KCNIP4: variants seen among roughly 807,000 people sequenced by gnomAD.
KCNIP4 encodes potassium voltage-gated channel interacting protein 4.
Under a neutral mutation model 34.0 loss-of-function variants are expected in KCNIP4, and 12 were observed. That is an observed-to-expected ratio of 0.35 (90% CI 0.23 to 0.57). The LOEUF is 0.57. KCNIP4 is among the 20% of genes least tolerant of loss of function. The pLI is 0.83. For missense variants in KCNIP4, 238 were observed against 311.7 expected (o/e 0.76, Z 1.78); for synonymous variants, 124 against 102.2 (o/e 1.21, Z -1.29).
intron 1 of KCNIP4, among the ~76,000 whole-genome samples, chr4:21,586,650 G>T (rs927543312): frequency 6.6e-6 from 1 of 152,058 alleles, no homozygotes; most frequent in African/African-American, 2.4e-5. Context: ...AAGAACAAGA[G>T]AAAGAGCAAA....
At chr4:21,127,432 AT>A (rs1288594587) in intron 1 of KCNIP4, among the ~76,000 whole-genome samples, 3 of 152,106 alleles carry the variant, frequency 2.0e-5, no homozygotes, top group African/African-American at 7.2e-5. Flanking sequence ...GACTCTGATT[AT>A]TTTTTATAGC....
intron 1 of KCNIP4, among the ~76,000 whole-genome samples, chr4:21,311,154 G>C (rs925376020): frequency 6.6e-6 from 1 of 152,072 alleles, no homozygotes; most frequent in South Asian, 2.1e-4. Flanking sequence ...GTTATTTATT[G>C]AGCTCTTGCT....
chr4:21,791,097 C>T (rs990363307), intron 1 of KCNIP4, among the ~76,000 whole-genome samples: 1 of 150,804 alleles, frequency 6.6e-6, no homozygotes, highest in African/African-American at 2.4e-5. Flanking sequence ...AGTTTATTAT[C>T]AACAGAAATG....
intron 1 of KCNIP4, among the ~76,000 whole-genome samples, chr4:20,916,984 T>C (rs13136274): frequency 0.058 from 601 of 10,298 alleles, 150 homozygotes; most frequent in East Asian, 0.21. Context: ...CCATCTTATG[T>C]TTATATATAT....
chr4:20,842,081 T>C (rs1719795112), intron 3 of KCNIP4, among the ~76,000 whole-genome samples: 1 of 152,158 alleles, frequency 6.6e-6, no homozygotes, highest in South Asian at 2.1e-4. Context: ...TGTGTTTGCT[T>C]TTTGCCCCTC....
intron 1 of KCNIP4, among the ~76,000 whole-genome samples, chr4:20,891,811 T>C (rs1313018995): frequency 6.6e-6 from 1 of 152,078 alleles, no homozygotes; most frequent in East Asian, 1.9e-4. Context: ...TTGAAAGTAA[T>C]GGCAAAAACT....
intron 1 of KCNIP4, among the ~76,000 whole-genome samples, chr4:21,505,043 T>C (rs1438214073): frequency 6.6e-6 from 1 of 152,200 alleles, no homozygotes; most frequent in South Asian, 2.1e-4. Context: ...TTAAGTAATC[T>C]GATTGATTTA....
intron 1 of KCNIP4, among the ~76,000 whole-genome samples, chr4:21,556,027 T>C (rs1265258228): frequency 6.6e-6 from 1 of 152,146 alleles, no homozygotes; most frequent in Non-Finnish European, 1.5e-5. Flanking sequence ...TATCTTTTGG[T>C]TTTTTGTGCC....
intron 1 of KCNIP4, among the ~76,000 whole-genome samples, chr4:21,807,766 A>G (rs1721391632): frequency 6.6e-6 from 1 of 152,202 alleles, no homozygotes; most frequent in South Asian, 2.1e-4. Context: ...AATCCTCATT[A>G]CACATAAAAC....
rs150445468 is a variant in KCNIP4 at position 21,758,576 on chromosome 4, G to T, written c.61+189995C>A. On this transcript the variant is annotated intron_variant, in intron 1 of 8. Transcript: ENST00000382152. Reference sequence around the variant, plus strand: ...TTTTAATAGGCATACTTTGTTCTTTGTAACAAAAGGGACATCCACAGTTGC... The same window carrying T: ...TTTTAATAGGCATACTTTGTTCTTTTTAACAAAAGGGACATCCACAGTTGC... Among the ~76,000 whole-genome samples, 1,337 of 152,252 alleles carry T rather than the reference G, an allele frequency of 8.8e-3. 19 individuals are homozygous for T. The highest frequency in any genetic ancestry group is 0.039 in the South Asian group (188 of 4,824).
chr4:21,891,386 AG>A (rs1323766944), intron 1 of KCNIP4, among the ~76,000 whole-genome samples: 1 of 152,148 alleles, frequency 6.6e-6, no homozygotes, highest in Non-Finnish European at 1.5e-5. Flanking sequence ...CTAAGGATCC[AG>A]GGTCTATGGG....
intron 1 of KCNIP4, among the ~76,000 whole-genome samples, chr4:21,101,962 G>T (rs1012895213): frequency 1.3e-5 from 2 of 152,094 alleles, no homozygotes; most frequent in Admixed American, 1.3e-4. Flanking sequence ...AAGAGAGGTG[G>T]AAAGATGGAG....
Position 20,799,197 on chromosome 4 carries a change from G to A in KCNIP4, c.289-40307C>T, listed in dbSNP as rs555375826. Among the ~76,000 whole-genome samples the A allele has an allele frequency of 6.6e-5, 10 of 152,220 alleles. No homozygotes were observed. In the East Asian group the frequency reaches 1.5e-3, roughly 24 times the overall value. On this transcript the variant is annotated intron_variant, in intron 3 of 8. Coordinates refer to ENST00000382152, the MANE Select transcript of KCNIP4 (RefSeq NM_025221.6). The stretch of plus-strand genomic sequence containing the variant: ...TAGTTGCTGGGGCACCTCCACTTAA[G>A]GCCAACATCCAGTGATGGTCTGCCA...
chr4:21,125,128 G>C (rs754196980), intron 1 of KCNIP4, among the ~76,000 whole-genome samples: 8 of 147,732 alleles, frequency 5.4e-5, no homozygotes, highest in Admixed American at 1.4e-4. Flanking sequence ...AATAAGCAGT[G>C]GTTCTCGGAC....
At chr4:21,920,234 G>A (rs894886345) in intron 1 of KCNIP4, among the ~76,000 whole-genome samples, 1 of 152,158 alleles carries the variant, frequency 6.6e-6, no homozygotes, top group Non-Finnish European at 1.5e-5. Context: ...ACTGAGTACA[G>A]TTGACTTTTT....
At chr4:21,405,860 A>T (rs2109569720) in intron 1 of KCNIP4, among the ~76,000 whole-genome samples, 1 of 152,278 alleles carries the variant, frequency 6.6e-6, no homozygotes, top group South Asian at 2.1e-4. Context: ...TTTGAGACAG[A>T]GTTTTGCTCT....
At chr4:21,720,772 GT>G (rs1283163027) in intron 1 of KCNIP4, among the ~76,000 whole-genome samples, 6 of 146,810 alleles carry the variant, frequency 4.1e-5, no homozygotes, top group East Asian at 2.0e-4. Context: ...TGCGGTGTTT[GT>G]TTTTTTGTCC....
intron 1 of KCNIP4, among the ~76,000 whole-genome samples, chr4:21,626,320 C>T (rs1049995803): frequency 4.0e-5 from 6 of 151,664 alleles, no homozygotes; most frequent in African/African-American, 7.3e-5. Context: ...GATGAGGCCA[C>T]GAATGGTCAG....
chr4:21,669,096 T>G (rs896451314), intron 1 of KCNIP4, among the ~76,000 whole-genome samples: 2 of 152,024 alleles, frequency 1.3e-5, no homozygotes, highest in Non-Finnish European at 1.5e-5. Context: ...AGTAGACATT[T>G]TCTCTTTCTT....
Sources: allele counts gnomAD v4.1 joint callset (sites outside exome capture counted in the v4.1 genomes callset), GRCh38; gene constraint gnomAD v4.1.1; transcripts MANE v1.5; gene names NCBI Gene and HGNC (gene_info 2026-07-23, HGNC 2026-07-21).